ACAN: variants seen among roughly 807,000 people sequenced by gnomAD.
ACAN encodes the protein aggrecan.
ACAN carries 47 observed loss-of-function variants against 169.1 expected under a neutral mutation model. That is an observed-to-expected ratio of 0.28 (90% CI 0.22 to 0.35). ACAN has a LOEUF of 0.35. ACAN is among the 10% of genes least tolerant of loss of function. The pLI, the probability that ACAN is intolerant of heterozygous loss-of-function variation, is 1.00. For missense variants in ACAN, 2,716 were observed against 2,759.9 expected, an observed-to-expected ratio of 0.98 and a Z score of 0.36; for synonymous variants, 1,115 against 1,112.2, an observed-to-expected ratio of 1.00 and a Z score of -0.05.
In ACAN at chr15:88,872,375, C is replaced by A. The variant is rs1051996798; in HGVS notation, c.7302+290C>A. On this transcript the variant is annotated intron_variant, in intron 16 of 18. Coordinates refer to ENST00000560601, the MANE Select transcript of ACAN (RefSeq NM_001369268.1). The surrounding 1 kb of genome is among the most constrained non-coding windows in gnomAD (Gnocchi z 5.4). ...GCTTTAGAGAGGTTTCTTGCCCACA[C>A]TGAACTCGAGTCTACTCAAGGAGAC... Among the ~76,000 whole-genome samples the A allele has an allele frequency of 3.9e-5, 6 of 152,178 alleles. No homozygotes were observed.
chr15:88,844,619 C>T (rs532092918), intron 6 of ACAN, among the ~76,000 whole-genome samples: 1 of 152,212 alleles, frequency 6.6e-6, no homozygotes, highest in East Asian at 1.9e-4. Context: ...GTGATCCACC[C>T]ACCTCAGCCT....
At position 88,849,018 on chromosome 15, in the gene ACAN, C is replaced by T. The variant is rs1328704547; in HGVS notation, c.1733-420C>T. On this transcript the variant is annotated intron_variant, in intron 9 of 18. Transcript: ENST00000560601. This position sits in a 1 kb window ranked among gnomAD's most constrained non-coding sequence, Gnocchi z 5.1. ...GGGTGTGGGGTGAGCACGTCCACAG[C>T]AGTCACAGTGATAAGTGCAGTGGTG... 6.6e-6 allele frequency among the ~76,000 whole-genome samples: 1 copy of T among 152,202 alleles called. No homozygotes were observed. Among genetic ancestry groups the T allele is most frequent in the Non-Finnish European group, 1.5e-5 (1 of 68,044 alleles).
At chr15:88,820,165 G>A (rs1420636635) in intron 1 of ACAN, among the ~76,000 whole-genome samples, 1 of 152,180 alleles carries the variant, frequency 6.6e-6, no homozygotes, top group East Asian at 1.9e-4. Context: ...TTTAAAGGAC[G>A]TAGTTGTGAT....
intron 10 of ACAN, chr15:88,850,796 T>G (rs1020564445): frequency 1.3e-4 from 20 of 151,866 alleles, no homozygotes; most frequent in African/African-American, 4.1e-4. Context: ...GTGCAAAAAT[T>G]AGCCTAGTTT....
intron 1 of ACAN, among the ~76,000 whole-genome samples, chr15:88,828,179 A>T (rs12905443): frequency 0.76 from 115,893 of 151,958 alleles, 45,228 homozygotes; most frequent in African/African-American, 0.93. Flanking sequence ...GAAGGTGGGA[A>T]TAGGTCAGAC....
rs368770768 is a variant in ACAN, at chr15:88,857,224, G to A, written c.4639G>A (p.Gly1547Arg). ...TGCCTCTGGATTTGGGGACCTCAGT[G>A]GACTTCCTTCTGGAGGAGAAGGTCT... ...ISASGFGDLSGLPSGGEGLET... is the reference protein window; with the variant it reads ...ISASGFGDLSRLPSGGEGLET... The change falls in exon 12 of 19, where the codon GGA (glycine) becomes AGA (arginine). Residue 1547 changes from glycine (G) to arginine (R), a missense_variant. Gly to Arg is a moderately radical substitution (Grantham distance 125, BLOSUM62 -2). Around this residue, in one of 3 missense-constraint regions of ACAN, gnomAD observed 1,389 missense variants for 1,363.7 expected, o/e 1.02. Coordinates refer to ENST00000560601, the MANE Select transcript of ACAN (RefSeq NM_001369268.1). 1.0e-4 allele frequency: 167 copies of A among 1,613,784 alleles called. No homozygotes were observed. The Middle Eastern group carries it at 1.2e-3, about 11-fold the overall frequency.
At chr15:88,863,811 A>C (rs1458415638) in intron 13 of ACAN, among the ~76,000 whole-genome samples, 1 of 152,250 alleles carries the variant, frequency 6.6e-6, no homozygotes, top group Non-Finnish European at 1.5e-5. Flanking sequence ...TGAAAATACA[A>C]AGTATGCCTT....
chr15:88,840,320 C>CAAG, intron 4 of ACAN, 134 bp downstream of exon 4: 1 of 1,139,562 alleles, frequency 8.8e-7, no homozygotes, highest in Non-Finnish European at 1.2e-6. Context: ...GGTTAGAGGC[C>CAAG]GTGGTCACAC....
intron 1 of ACAN, among the ~76,000 whole-genome samples, chr15:88,816,030 G>A (rs1895934395): frequency 6.6e-6 from 1 of 152,118 alleles, no homozygotes; most frequent in Non-Finnish European, 1.5e-5. Flanking sequence ...GTGTTCCTTG[G>A]CTTGCAGCTG....
At chr15:88,817,847 C>A (rs56027561) in intron 1 of ACAN, among the ~76,000 whole-genome samples, 2 of 40,242 alleles carry the variant, frequency 5.0e-5, no homozygotes, top group Non-Finnish European at 8.0e-5. Context: ...GAGTGAGACT[C>A]TGAAAAAAAA....
chr15:88,846,543 G>A (rs1361077353), intron 7 of ACAN, among the ~76,000 whole-genome samples: 1 of 152,210 alleles, frequency 6.6e-6, no homozygotes, highest in Non-Finnish European at 1.5e-5. Context: ...CAATCACAGC[G>A]AGGTTGAATA....
intron 1 of ACAN, among the ~76,000 whole-genome samples, chr15:88,820,749 G>C (rs1018530063): frequency 6.6e-6 from 1 of 152,034 alleles, no homozygotes. Context: ...CATTGAGAAG[G>C]GCTCTCCTTG....
Position 88,870,890 on chromosome 15 carries a change from T to A in ACAN, c.7061-492T>A, listed in dbSNP as rs1295341294. Among the ~76,000 whole-genome samples the A allele has an allele frequency of 6.6e-6, 1 of 152,200 alleles. No individual in the cohort carries two copies. On this transcript the variant is annotated intron_variant, in intron 14 of 18. Coordinates refer to ENST00000560601, the MANE Select transcript of ACAN (RefSeq NM_001369268.1). The surrounding 1 kb of genome is among the most constrained non-coding windows in gnomAD (Gnocchi z 6.3). ...TTATTTCTGCTCCTCTGTTCCCACC[T>A]GAGGTTCTGCAGGAAGGAAACTGCC...
chr15:88,857,293 C>T lies in ACAN; in HGVS notation c.4708C>T (p.Pro1570Ser). ...AGTAGGGACTGACCTCAGTGGGCTT[C>T]CTTCTGGAAGGGAGGGTCTAGAGAC... ...SEVGTDLSGL[P>S]SGREGLETSA... is the part of the protein sequence containing the mutation. Residue 1570 changes from proline (P) to serine (S), a missense_variant, in exon 12 of 19, where the codon CCT (proline) becomes TCT (serine). Pro to Ser is a moderately conservative substitution (Grantham distance 74). Coordinates refer to ENST00000560601, the MANE Select transcript of ACAN (RefSeq NM_001369268.1). 6.2e-7 allele frequency: 1 copy of T among 1,613,606 alleles called. No individual in the cohort carries two copies.
chr15:88,860,630 G>T (rs922725509), intron 13 of ACAN, among the ~76,000 whole-genome samples, 191 bp downstream of exon 13: 51 of 152,318 alleles, frequency 3.3e-4, no homozygotes, highest in African/African-American at 1.0e-3. Context: ...GAATGTCTAG[G>T]TTTAGGAGAA....
chr15:88,847,819 G>A (rs1896832248), intron 8 of ACAN, 92 bp from the exon 9 acceptor site: 6 of 1,456,392 alleles, frequency 4.1e-6, no homozygotes, highest in Non-Finnish European at 5.5e-6. Context: ...ACATCTCCAA[G>A]TCCCTGAGTA....
chr15:88,836,167 G>T, intron 1 of ACAN, 33 bp from the exon 2 acceptor site: 1 of 1,542,616 alleles, frequency 6.5e-7, no homozygotes, highest in Non-Finnish European at 9.0e-7. Flanking sequence ...TGCCTTCACT[G>T]TCTAAATAAC....
intron 1 of ACAN, among the ~76,000 whole-genome samples, chr15:88,826,844 A>G (rs1299129966): frequency 1.3e-5 from 2 of 152,110 alleles, no homozygotes; most frequent in Non-Finnish European, 2.9e-5. Flanking sequence ...TTGACTGAAT[A>G]ATGGAATTAA....
intron 1 of ACAN, among the ~76,000 whole-genome samples, chr15:88,829,752 T>C (rs909490420): frequency 1.3e-5 from 2 of 152,230 alleles, no homozygotes; most frequent in African/African-American, 4.8e-5. Context: ...CAAATCTTAC[T>C]GGTCTACCAG....
Sources: allele counts gnomAD v4.1 joint callset (sites outside exome capture counted in the v4.1 genomes callset), GRCh38; gene constraint gnomAD v4.1.1; regional missense constraint gnomAD v4.1.1; non-coding constraint Gnocchi (gnomAD v3.1); transcripts MANE v1.5; gene names NCBI Gene and HGNC (gene_info 2026-07-23, HGNC 2026-07-21).